RAB28: variants seen among roughly 807,000 people sequenced by gnomAD.
The protein encoded by RAB28 is ras-related protein Rab-28.
In RAB28, 24 loss-of-function variants were observed where a neutral mutation model predicts 31.7. The observed-to-expected ratio is 0.76, with a 90% CI of 0.55 to 1.06. The LOEUF (loss-of-function observed/expected upper bound fraction) is 1.06. Ranked by LOEUF, RAB28 falls within the 50% of genes least tolerant of loss-of-function variation. The probability of loss-of-function intolerance (pLI) is 0.00; values close to 1 mark genes in which losing one functional copy is unlikely to be tolerated. For missense variants in RAB28, 254 were observed against 258.5 expected, an observed-to-expected ratio of 0.98 and a Z score of 0.12; for synonymous variants, 100 against 90.4, an observed-to-expected ratio of 1.11 and a Z score of -0.60.
intron 4 of RAB28, among the ~76,000 whole-genome samples, chr4:13,446,794 G>A (rs367786736): frequency 1.3e-5 from 2 of 151,944 alleles, no homozygotes; most frequent in Non-Finnish European, 2.9e-5. Flanking sequence ...GTTTCTACTC[G>A]GTCATTTTGG....
At chr4:13,479,590 T>C in intron 1 of RAB28, 64 bp from the exon 2 acceptor site, 1 of 1,087,286 alleles carries the variant, frequency 9.2e-7, no homozygotes, top group Non-Finnish European at 1.4e-6. Flanking sequence ...ATAAGACCAC[T>C]ATAAATCTTA....
At chr4:13,450,020 T>A (rs565973936) in intron 4 of RAB28, among the ~76,000 whole-genome samples, 1 of 152,010 alleles carries the variant, frequency 6.6e-6, no homozygotes, top group East Asian at 1.9e-4. Context: ...TATAAAACAT[T>A]GAACTTAAAA....
At chr4:13,405,950 A>G (rs1560279596) in intron 4 of RAB28, among the ~76,000 whole-genome samples, 1 of 152,178 alleles carries the variant, frequency 6.6e-6, no homozygotes, top group Non-Finnish European at 1.5e-5. Context: ...TGAGAAAACT[A>G]TGGGAAATCC....
intron 4 of RAB28, among the ~76,000 whole-genome samples, chr4:13,387,995 G>C (rs1729451726): frequency 2.0e-5 from 3 of 151,888 alleles, no homozygotes; most frequent in Non-Finnish European, 1.5e-5. Context: ...CTATCATTCA[G>C]TATTTTGTAA....
At chr4:13,416,962 C>T (rs915208748) in intron 4 of RAB28, among the ~76,000 whole-genome samples, 18 of 152,252 alleles carry the variant, frequency 1.2e-4, no homozygotes, top group East Asian at 7.7e-4. Flanking sequence ...CACAAGGGGT[C>T]GGGGGATTTC....
At position 13,383,527 on chromosome 4, in the gene RAB28, C is replaced by T. The variant is rs369133432; in HGVS notation, c.392-1933G>A. Among the ~76,000 whole-genome samples the T allele has an allele frequency of 1.4e-4, 21 of 152,044 alleles. 1 individual carries two copies. In the South Asian group the frequency reaches 4.4e-3, roughly 32 times the overall value. On this transcript the variant is annotated intron_variant, in intron 4 of 6. Transcript: ENST00000330852. ...ACATTTATTGAGCATCTATTATATGCCAGGTATTGTGGCAGGTAGTGATAT... is the reference window on the plus strand; with the variant it reads ...ACATTTATTGAGCATCTATTATATGTCAGGTATTGTGGCAGGTAGTGATAT...
rs539407990 is a variant in RAB28, at chr4:13,429,582, G to C, written c.391+31117C>G. Among the ~76,000 whole-genome samples the C allele has an allele frequency of 4.9e-3, 730 of 148,636 alleles. 4 individuals carry two copies. Among genetic ancestry groups the C allele is most frequent in the African/African-American group, 0.017 (683 of 39,198 alleles). On this transcript the variant is annotated intron_variant, in intron 4 of 6. Coordinates refer to ENST00000330852, the MANE Select transcript of RAB28 (RefSeq NM_001017979.3). ...AATTACACAGGAATAAATTTAACAA[G>C]TGCAAATTTTATACTTCAAAAGTGA...
intron 3 of RAB28, chr4:13,473,863 T>C (rs1490540922): frequency 1.1e-5 from 4 of 368,338 alleles, no homozygotes; most frequent in Non-Finnish European, 2.1e-5. Flanking sequence ...AATACAGACA[T>C]GTCTATTAAA....
At chr4:13,382,154 T>C (rs1053891812) in intron 4 of RAB28, among the ~76,000 whole-genome samples, 6 of 152,226 alleles carry the variant, frequency 3.9e-5, no homozygotes, top group African/African-American at 1.2e-4. Context: ...CATAGTTCAG[T>C]TGTTTTCCAT....
At chr4:13,374,958 T>C (rs553074672) in intron 6 of RAB28, among the ~76,000 whole-genome samples, 1 of 152,308 alleles carries the variant, frequency 6.6e-6, no homozygotes, top group South Asian at 2.1e-4. Context: ...TGGTCATTTA[T>C]TTTAACCAAA....
At chr4:13,381,350 C>A in intron 5 of RAB28, 141 bp downstream of exon 5, 1 of 546,820 alleles carries the variant, frequency 1.8e-6, no homozygotes, top group Non-Finnish European at 3.3e-6. Flanking sequence ...CCAGAATAAA[C>A]ATGTTATATC....
At chr4:13,449,962 G>T (rs1161507284) in intron 4 of RAB28, among the ~76,000 whole-genome samples, 1 of 151,786 alleles carries the variant, frequency 6.6e-6, no homozygotes, top group Non-Finnish European at 1.5e-5. Context: ...AGGCATAACG[G>T]ATTAAAGATA....
At chr4:13,384,731 A>C (rs1729289123) in intron 4 of RAB28, among the ~76,000 whole-genome samples, 1 of 152,210 alleles carries the variant, frequency 6.6e-6, no homozygotes, top group African/African-American at 2.4e-5. Context: ...GCAACATCAA[A>C]GACCGAAAGA....
intron 4 of RAB28, among the ~76,000 whole-genome samples, chr4:13,382,354 C>T (rs376586161): frequency 1.3e-5 from 2 of 152,098 alleles, no homozygotes; most frequent in South Asian, 4.2e-4. Context: ...GGTGTTGATT[C>T]AATGCCGTCA....
chr4:13,393,808 C>T (rs115108314), intron 4 of RAB28, among the ~76,000 whole-genome samples: 82 of 145,532 alleles, frequency 5.6e-4, no homozygotes, highest in African/African-American at 1.5e-3. Flanking sequence ...CACTAATCAA[C>T]CTAAAGTTTA....
chr4:13,465,577 T>C lies in RAB28; in HGVS notation c.262-4749A>G, dbSNP rs145290595. ...AAAATTATCAAAAGTAAAGGAGAAA[T>C]AAAGATCTTCTCAGAAAAACAAAAG... On this transcript the variant is annotated intron_variant, in intron 3 of 6. Coordinates refer to ENST00000330852, the MANE Select transcript of RAB28 (RefSeq NM_001017979.3). 4.6e-3 allele frequency among the ~76,000 whole-genome samples: 691 copies of C among 149,710 alleles called. 5 individuals are homozygous for C. Among genetic ancestry groups the C allele is most frequent in the African/African-American group, 0.016 (659 of 40,806 alleles).
intron 3 of RAB28, among the ~76,000 whole-genome samples, chr4:13,462,078 A>C (rs1452042756): frequency 1.3e-5 from 2 of 152,230 alleles, no homozygotes. Flanking sequence ...CTACGGATTT[A>C]AGTTCCAAAC....
chr4:13,372,921 G>A (rs1480936447), intron 6 of RAB28, among the ~76,000 whole-genome samples: 1 of 151,910 alleles, frequency 6.6e-6, no homozygotes, highest in African/African-American at 2.4e-5. Context: ...AATTTGAGGG[G>A]ACAATAAGGA....
At chr4:13,372,935 T>C (rs573989869) in intron 6 of RAB28, among the ~76,000 whole-genome samples, 1 of 151,842 alleles carries the variant, frequency 6.6e-6, no homozygotes, top group Non-Finnish European at 1.5e-5. Context: ...ATAAGGAATA[T>C]ATATTTTTAG....
Sources: gnomAD v4.1 joint callset for allele counts (sites outside exome capture counted in the v4.1 genomes callset) on GRCh38, gnomAD v4.1.1 for gene constraint, MANE v1.5 for transcripts, NCBI Gene and HGNC (gene_info 2026-07-23, HGNC 2026-07-21) for gene names.